The following DCDC1 variants were observed in gnomAD, a reference collection of about 807,000 sequenced individuals.
DCDC1 encodes doublecortin domain containing 1, also known as doublecortin domain-containing protein 1.
A neutral mutation model predicts 178.3 loss-of-function variants in DCDC1; 200 were observed. That is an observed-to-expected ratio of 1.12 (90% CI 1.00 to 1.26). The LOEUF is 1.26. Among genes scored for constraint, DCDC1 ranks in the 50% most tolerant of loss-of-function variants. The pLI is 0.00. For synonymous variants in DCDC1, 690 were observed against 604.8 expected, an observed-to-expected ratio of 1.14 and a Z score of -2.07; for missense variants, 1,983 against 1,749.2, an observed-to-expected ratio of 1.13 and a Z score of -2.38.
chr11:31,032,809 A>G (rs534619645), intron 20 of DCDC1, among the ~76,000 whole-genome samples: 1 of 152,320 alleles, frequency 6.6e-6, no homozygotes, highest in South Asian at 2.1e-4. Flanking sequence ...AGTGGAGTTG[A>G]AAGAGCTAAC....
chr11:31,348,701 T>A (rs749815291), intron 1 of DCDC1, among the ~76,000 whole-genome samples: 8 of 152,154 alleles, frequency 5.3e-5, no homozygotes, highest in Non-Finnish European at 8.8e-5. Context: ...TCAGGAGATA[T>A]AAGTTGCTGC....
At chr11:31,301,309 G>T (rs1422477120) in intron 6 of DCDC1, among the ~76,000 whole-genome samples, 3 of 152,310 alleles carry the variant, frequency 2.0e-5, no homozygotes, top group African/African-American at 7.2e-5. Flanking sequence ...GGGAAAGCCA[G>T]TCCCAACTAC....
At chr11:31,282,415 T>TC (rs1946512482) in intron 7 of DCDC1, among the ~76,000 whole-genome samples, 1 of 151,358 alleles carries the variant, frequency 6.6e-6, no homozygotes, top group East Asian at 1.9e-4. Flanking sequence ...TATTAAAGGA[T>TC]AATATATATA....
intron 9 of DCDC1, among the ~76,000 whole-genome samples, chr11:31,217,940 A>T (rs1973784256): frequency 6.6e-6 from 1 of 152,154 alleles, no homozygotes; most frequent in Non-Finnish European, 1.5e-5. Context: ...TAGTGTGTCC[A>T]ATCTGTTTTG....
chr11:31,045,170 C>T (rs1464727031), intron 20 of DCDC1, among the ~76,000 whole-genome samples: 1 of 152,010 alleles, frequency 6.6e-6, no homozygotes, highest in Non-Finnish European at 1.5e-5. Flanking sequence ...TAAAAAGGAG[C>T]ATTCCAATCT....
chr11:31,304,368 A>G (rs1353668795), intron 6 of DCDC1, among the ~76,000 whole-genome samples: 1 of 152,166 alleles, frequency 6.6e-6, no homozygotes, highest in Non-Finnish European at 1.5e-5. Context: ...TTTGCCCACT[A>G]CGACCCATGT....
chr11:31,025,974 A>G (rs1565195664), intron 20 of DCDC1, among the ~76,000 whole-genome samples: 1 of 151,884 alleles, frequency 6.6e-6, no homozygotes, highest in Non-Finnish European at 1.5e-5. Flanking sequence ...GAAGCTTTTT[A>G]GCTGGATATG....
chr11:31,034,255 A>AAAC (rs541401037), intron 20 of DCDC1, among the ~76,000 whole-genome samples: 271 of 151,910 alleles, frequency 1.8e-3, no homozygotes, highest in African/African-American at 6.2e-3. Context: ...ACTGAGAATT[A>AAAC]TTATAAAAGA....
At position 31,307,750 on chromosome 11, in the gene DCDC1, T is replaced by C. The variant is rs1486776705; in HGVS notation, c.323A>G (p.His108Arg). 6.2e-7 allele frequency: 1 copy of C among 1,614,172 alleles called. No individual in the cohort carries two copies. The highest frequency in any genetic ancestry group is 8.5e-7 in the Non-Finnish European group (1 of 1,180,010). Residue 108 changes from histidine (H) to arginine (R), a missense_variant, in exon 4 of 39, where the codon CAT becomes CGT. His to Arg is a conservative substitution (Grantham distance 29). Transcript: ENST00000684477. ...GCTATCTAGGTCTGATATTTCATCA[T>C]GGCTGTGATCTGATGCTGTTTGATG... ...STHQTASDHS[H>R]DEISDLDSYK... is the part of the protein sequence containing the mutation.
At chr11:31,260,148 CCAT>C (rs1286703373) in intron 8 of DCDC1, among the ~76,000 whole-genome samples, 2 of 152,126 alleles carry the variant, frequency 1.3e-5, no homozygotes, top group Non-Finnish European at 2.9e-5. Context: ...CATCCAGAAG[CCAT>C]CTGGCTGATA....
At chr11:31,161,177 G>A (rs894208557) in intron 9 of DCDC1, among the ~76,000 whole-genome samples, 1 of 152,048 alleles carries the variant, frequency 6.6e-6, no homozygotes, top group Non-Finnish European at 1.5e-5. Context: ...TTACTGCAGT[G>A]ACACTAGGAC....
At chr11:30,994,764 T>C (rs1273424514) in intron 20 of DCDC1, among the ~76,000 whole-genome samples, 2 of 145,462 alleles carry the variant, frequency 1.4e-5, no homozygotes, top group East Asian at 3.9e-4. Context: ...AATATATTTG[T>C]TTATTATAAT....
intron 21 of DCDC1, among the ~76,000 whole-genome samples, chr11:30,945,412 G>A (rs1052757900): frequency 2.0e-5 from 3 of 151,348 alleles, no homozygotes; most frequent in African/African-American, 7.3e-5. Flanking sequence ...GCACAATATT[G>A]GCCAGGTGCA....
At chr11:31,057,044 C>T (rs1955628304) in intron 20 of DCDC1, among the ~76,000 whole-genome samples, 1 of 151,878 alleles carries the variant, frequency 6.6e-6, no homozygotes, top group Admixed American at 6.6e-5. Flanking sequence ...CCAGCCTGGC[C>T]AACATGGTGA....
At chr11:31,216,016 C>T (rs1973512207) in intron 9 of DCDC1, among the ~76,000 whole-genome samples, 1 of 152,084 alleles carries the variant, frequency 6.6e-6, no homozygotes, top group Admixed American at 6.6e-5. Flanking sequence ...GGAGTTCCTG[C>T]CCTCTTCCCT....
intron 1 of DCDC1, among the ~76,000 whole-genome samples, chr11:31,345,875 A>C (rs1282522496): frequency 6.6e-6 from 1 of 152,206 alleles, no homozygotes; most frequent in African/African-American, 2.4e-5. Context: ...CATAGACTCT[A>C]ATGAAATAAT....
At chr11:31,085,476 A>T (rs902174599) in intron 17 of DCDC1, among the ~76,000 whole-genome samples, 3 of 152,056 alleles carry the variant, frequency 2.0e-5, no homozygotes, top group Non-Finnish European at 4.4e-5. Context: ...TTATATATAT[A>T]TTGAATCAAA....
At chr11:31,313,102 C>T (rs1948864923) in intron 3 of DCDC1, among the ~76,000 whole-genome samples, 1 of 151,754 alleles carries the variant, frequency 6.6e-6, no homozygotes, top group South Asian at 2.1e-4. Context: ...CTGGAGAACC[C>T]TAATATATTT....
intron 3 of DCDC1, among the ~76,000 whole-genome samples, chr11:31,323,693 A>G (rs1303339128): frequency 6.6e-6 from 1 of 152,124 alleles, no homozygotes; most frequent in East Asian, 1.9e-4. Flanking sequence ...TATACAAATA[A>G]ACTATAAACA....
Sources: allele counts gnomAD v4.1 joint callset (sites outside exome capture counted in the v4.1 genomes callset), GRCh38; gene constraint gnomAD v4.1.1; transcripts MANE v1.5; gene names NCBI Gene and HGNC (gene_info 2026-07-23, HGNC 2026-07-21).